The following PTPRD variants were observed in gnomAD, a reference collection of about 807,000 sequenced individuals.
PTPRD encodes the protein protein tyrosine phosphatase receptor type D, also known as receptor-type tyrosine-protein phosphatase delta.
PTPRD carries 34 observed loss-of-function variants against 214.5 expected under a neutral mutation model. The ratio of observed to expected loss-of-function variants is 0.16; its 90% CI spans 0.12 to 0.21. PTPRD has a LOEUF of 0.21. Among genes scored for constraint, PTPRD ranks in the 10% least tolerant of loss-of-function variants. The pLI, the probability that PTPRD is intolerant of heterozygous loss-of-function variation, is 1.00. For missense variants in PTPRD, 2,545 were observed against 2,398.7 expected, an observed-to-expected ratio of 1.06 and a Z score of -1.27; for synonymous variants, 1,128 against 845.7, an observed-to-expected ratio of 1.33 and a Z score of -5.79.
intron 3 of PTPRD, among the ~76,000 whole-genome samples, chr9:10,269,187 A>C (rs1436757181): frequency 1.3e-5 from 2 of 151,984 alleles, no homozygotes; most frequent in Non-Finnish European, 2.9e-5. Context: ...CAGGAAAAAA[A>C]ATGCATTGTT....
In PTPRD at chr9:8,592,281, C is replaced by T. The variant is rs77848797; in HGVS notation, c.352+41036G>A. Among the ~76,000 whole-genome samples, 579 of 152,282 alleles carry T rather than the reference C, an allele frequency of 3.8e-3. 3 individuals are homozygous for T. Among genetic ancestry groups the T allele is most frequent in the African/African-American group, 0.013 (535 of 41,564 alleles). ...AAAGTACACCCCCAAATTCAACCCA[C>T]TCACACAAACCTGACTTGATCATGT... On this transcript the variant is annotated intron_variant, in intron 14 of 45. Transcript: ENST00000381196.
At chr9:8,934,436 AAT>A (rs1266350371) in intron 11 of PTPRD, among the ~76,000 whole-genome samples, 7 of 30,324 alleles carry the variant, frequency 2.3e-4, no homozygotes, top group African/African-American at 1.0e-3. Flanking sequence ...TATATATATA[AAT>A]ATATATATAA....
chr9:8,522,187 C>A (rs1306036283), intron 19 of PTPRD, among the ~76,000 whole-genome samples: 1 of 152,156 alleles, frequency 6.6e-6, no homozygotes, highest in Non-Finnish European at 1.5e-5. Flanking sequence ...CAGGCTAACA[C>A]CAGTAGAGAT....
chr9:9,004,568 C>G (rs1024138381), intron 11 of PTPRD, among the ~76,000 whole-genome samples: 6 of 152,038 alleles, frequency 3.9e-5, no homozygotes, highest in South Asian at 2.1e-4. Flanking sequence ...GTTTCTCTTC[C>G]TGACATTCTT....
chr9:9,291,162 A>G (rs1258684522), intron 9 of PTPRD, among the ~76,000 whole-genome samples: 1 of 151,502 alleles, frequency 6.6e-6, no homozygotes, highest in Non-Finnish European at 1.5e-5. Context: ...AGGCATATGT[A>G]TGGTTTTGAA....
At chr9:9,555,916 C>G (rs2081403376) in intron 8 of PTPRD, among the ~76,000 whole-genome samples, 1 of 152,046 alleles carries the variant, frequency 6.6e-6, no homozygotes, top group Non-Finnish European at 1.5e-5. Flanking sequence ...CATATTAAAA[C>G]TAAAATAGAA....
intron 8 of PTPRD, among the ~76,000 whole-genome samples, chr9:9,566,463 G>A (rs1326362918): frequency 1.3e-5 from 2 of 151,896 alleles, no homozygotes; most frequent in Non-Finnish European, 2.9e-5. Context: ...TTAAACTTGT[G>A]CGAGAGCTTA....
intron 10 of PTPRD, among the ~76,000 whole-genome samples, chr9:9,138,256 C>T (rs780158465): frequency 6.6e-6 from 1 of 151,984 alleles, no homozygotes; most frequent in Non-Finnish European, 1.5e-5. Context: ...TCTGCATCAG[C>T]TTTATCATCT....
chr9:10,379,654 G>C (rs2097784998), intron 2 of PTPRD, among the ~76,000 whole-genome samples: 1 of 152,066 alleles, frequency 6.6e-6, no homozygotes, highest in East Asian at 1.9e-4. Flanking sequence ...AAGTATAACA[G>C]TTCAAAAAGA....
At chr9:10,206,822 A>G (rs151252781) in intron 3 of PTPRD, among the ~76,000 whole-genome samples, 1 of 152,286 alleles carries the variant, frequency 6.6e-6, no homozygotes, top group East Asian at 1.9e-4. Context: ...AGATTTTGAA[A>G]AAGTAACAGG....
intron 3 of PTPRD, among the ~76,000 whole-genome samples, chr9:10,188,934 T>C (rs1237997160): frequency 1.3e-5 from 2 of 152,162 alleles, no homozygotes; most frequent in Non-Finnish European, 2.9e-5. Flanking sequence ...TTGCCTGGGG[T>C]CACTCAGTCT....
chr9:10,193,369 C>A (rs753336571), intron 3 of PTPRD, among the ~76,000 whole-genome samples: 2 of 151,792 alleles, frequency 1.3e-5, no homozygotes, highest in South Asian at 2.1e-4. Flanking sequence ...CCTCTGTGTG[C>A]GGTTGGGCTG....
chr9:8,575,643 C>T (rs1159901852), intron 14 of PTPRD, among the ~76,000 whole-genome samples: 1 of 152,106 alleles, frequency 6.6e-6, no homozygotes, highest in East Asian at 1.9e-4. Flanking sequence ...GTACTTAAGT[C>T]CATAAATTTT....
intron 5 of PTPRD, among the ~76,000 whole-genome samples, chr9:9,792,373 G>A (rs928929303): frequency 3.9e-5 from 6 of 152,138 alleles, no homozygotes; most frequent in African/African-American, 1.2e-4. Flanking sequence ...AGAAGGAAGC[G>A]AGAGTTTCAT....
At chr9:10,466,279 G>A (rs538379769) in intron 2 of PTPRD, among the ~76,000 whole-genome samples, 81 of 152,214 alleles carry the variant, frequency 5.3e-4, no homozygotes, top group African/African-American at 1.9e-3. Context: ...GTATTTGAAT[G>A]CAGGCAGACT....
intron 10 of PTPRD, among the ~76,000 whole-genome samples, chr9:9,053,961 C>T (rs2154396451): frequency 6.6e-6 from 1 of 152,154 alleles, no homozygotes; most frequent in Middle Eastern, 3.4e-3. Flanking sequence ...AAAGATTCCC[C>T]CTAAATTAAG....
intron 41 of PTPRD, 53 bp downstream of exon 41, chr9:8,341,037 G>C: frequency 1.4e-6 from 2 of 1,474,236 alleles, no homozygotes; most frequent in South Asian, 2.9e-5. Context: ...TATTAAACTA[G>C]GGCACATGTA....
intron 5 of PTPRD, among the ~76,000 whole-genome samples, chr9:9,922,487 G>T (rs1254278748): frequency 6.6e-6 from 1 of 152,000 alleles, no homozygotes; most frequent in Non-Finnish European, 1.5e-5. Context: ...AAGAGCCACA[G>T]ATCATCAGCA....
At chr9:9,098,556 T>G (rs2099786945) in intron 10 of PTPRD, among the ~76,000 whole-genome samples, 1 of 152,202 alleles carries the variant, frequency 6.6e-6, no homozygotes, top group Non-Finnish European at 1.5e-5. Context: ...GCCTGTTATT[T>G]CTTTTTAGTT....
Sources: gnomAD v4.1 joint callset for allele counts (sites outside exome capture counted in the v4.1 genomes callset) on GRCh38, gnomAD v4.1.1 for gene constraint, MANE v1.5 for transcripts, NCBI Gene and HGNC (gene_info 2026-07-23, HGNC 2026-07-21) for gene names.